Variants in ROBO2 observed in about 807,000 individuals in gnomAD.
ROBO2 encodes the protein roundabout guidance receptor 2.
In ROBO2, 53 loss-of-function variants were observed where a neutral mutation model predicts 160.8. The observed-to-expected ratio is 0.33, with a 90% CI of 0.26 to 0.41. ROBO2 has a LOEUF of 0.41. Ranked by LOEUF, ROBO2 falls within the 10% of genes least tolerant of loss-of-function variation. The probability of loss-of-function intolerance (pLI) is 1.00; values close to 1 mark genes in which losing one functional copy is unlikely to be tolerated. For synonymous variants in ROBO2, 664 were observed against 611.7 expected (o/e 1.09, Z -1.26); for missense variants, 1,577 against 1,722.4 (o/e 0.92, Z 1.49).
intron 2 of ROBO2, among the ~76,000 whole-genome samples, chr3:76,221,011 G>T (rs760442028): frequency 2.6e-5 from 4 of 151,442 alleles, no homozygotes; most frequent in Admixed American, 2.0e-4. Flanking sequence ...CTTAATCATA[G>T]AACATGGTAA....
At position 77,391,340 on chromosome 3, in the gene ROBO2, T is replaced by A. The variant is rs976092069; in HGVS notation, c.389-86074T>A. 3.9e-5 allele frequency among the ~76,000 whole-genome samples: 6 copies of A among 152,076 alleles called. No homozygotes were observed. In the South Asian group the frequency reaches 6.2e-4, roughly 16 times the overall value. On this transcript the variant is annotated intron_variant, in intron 2 of 25. Coordinates refer to ENST00000461745, the Ensembl canonical transcript of ROBO2. ...AAATTTTTTTGAGACAGGGTCTCAC[T>A]CTGTAGCCCAGGCTGGAGTACAGTG...
intron 2 of ROBO2, among the ~76,000 whole-genome samples, chr3:76,947,215 AT>A (rs1326998012): frequency 6.6e-6 from 1 of 152,094 alleles, no homozygotes; most frequent in African/African-American, 2.4e-5. Context: ...TCTATAAAAA[AT>A]AAATATTATA....
chr3:76,385,465 T>C (rs891770848), intron 2 of ROBO2, among the ~76,000 whole-genome samples: 2 of 152,200 alleles, frequency 1.3e-5, no homozygotes, highest in African/African-American at 2.4e-5. Flanking sequence ...GCACAGTCTG[T>C]CACCTTATCT....
At chr3:77,138,834 A>T (rs1470657314) in intron 2 of ROBO2, among the ~76,000 whole-genome samples, 1 of 152,128 alleles carries the variant, frequency 6.6e-6, no homozygotes. Context: ...GATTAGGCCA[A>T]TTGCAGGCTT....
At chr3:76,163,088 A>C (rs999423406) in intron 2 of ROBO2, among the ~76,000 whole-genome samples, 1 of 152,150 alleles carries the variant, frequency 6.6e-6, no homozygotes, top group Admixed American at 6.6e-5. Context: ...GTCTTTCTTC[A>C]TGAAGGATCA....
chr3:76,260,129 G>T (rs1706652271), intron 2 of ROBO2, among the ~76,000 whole-genome samples: 1 of 152,150 alleles, frequency 6.6e-6, no homozygotes, highest in Admixed American at 6.6e-5. Context: ...TCACCCTGCA[G>T]AAAAGTGCAA....
Position 76,597,596 on chromosome 3 carries a change from A to G in ROBO2, c.110-500418A>G, listed in dbSNP as rs149923914. 4.4e-3 allele frequency among the ~76,000 whole-genome samples: 674 copies of G among 152,266 alleles called. 7 individuals carry two copies. Among genetic ancestry groups the G allele is most frequent in the African/African-American group, 0.016 (651 of 41,572 alleles). ...CATAATAGCTAAAATAAAAAAACAG[A>G]TAACACTAAATGTTCTTGTGGATGC... is the stretch of plus-strand genomic sequence containing the variant. On this transcript the variant is annotated intron_variant, in intron 2 of 26. Transcript: ENST00000487694.
Position 76,218,761 on chromosome 3 carries a change from G to T in ROBO2, c.109+281159G>T, listed in dbSNP as rs572658884. On this transcript the variant is annotated intron_variant, in intron 2 of 26. Coordinates refer to the ROBO2 transcript ENST00000487694. ...GCCCAAGGTAATTTATAGATTCAAT[G>T]CCATCCCCATCAAGCTACCAATGAC... Among the ~76,000 whole-genome samples, 194 of 151,890 alleles carry T rather than the reference G, an allele frequency of 1.3e-3. 1 individual carries two copies. The highest frequency in any genetic ancestry group is 6.8e-3 in the Middle Eastern group (2 of 294).
At position 76,335,151 on chromosome 3, in the gene ROBO2, G is replaced by C. The variant is rs576532887; in HGVS notation, c.109+397549G>C. Among the ~76,000 whole-genome samples, 4 of 148,304 alleles carry C rather than the reference G, an allele frequency of 2.7e-5. No homozygotes were observed. In the East Asian group the frequency reaches 6.0e-4, roughly 22 times the overall value. On this transcript the variant is annotated intron_variant, in intron 2 of 26. Coordinates refer to the ROBO2 transcript ENST00000487694. ...AAAAGTTCTGGGATTGCAGGCATGA[G>C]CCACCACATCCAAACTTTTCTGTTT...
chr3:76,222,061 G>A (rs1288583561), intron 2 of ROBO2, among the ~76,000 whole-genome samples: 1 of 152,066 alleles, frequency 6.6e-6, no homozygotes, highest in Non-Finnish European at 1.5e-5. Flanking sequence ...ATCTGCCAGT[G>A]GTGGCCATAG....
chr3:76,969,944 G>A (rs551584502), intron 2 of ROBO2, among the ~76,000 whole-genome samples: 1 of 152,128 alleles, frequency 6.6e-6, no homozygotes, highest in African/African-American at 2.4e-5. Context: ...GCAATAAGTG[G>A]CATAAGAGTA....
At chr3:77,260,409 T>C (rs986748362) in intron 2 of ROBO2, among the ~76,000 whole-genome samples, 1 of 152,006 alleles carries the variant, frequency 6.6e-6, no homozygotes, top group African/African-American at 2.4e-5. Context: ...CTTAAAAAAA[T>C]AGTTTATTTT....
intron 1 of ROBO2, among the ~76,000 whole-genome samples, chr3:77,041,155 T>C (rs776959857): frequency 5.9e-5 from 9 of 152,240 alleles, no homozygotes; most frequent in South Asian, 4.1e-4. Flanking sequence ...ACAGTCAATC[T>C]CCTGCAAGAG....
At chr3:76,335,242 C>T (rs534451400) in intron 2 of ROBO2, among the ~76,000 whole-genome samples, 48 of 125,328 alleles carry the variant, frequency 3.8e-4, no homozygotes, top group African/African-American at 1.3e-3. Flanking sequence ...AGTGCAGTGG[C>T]GCGATCTCTG....
At chr3:77,029,980 C>G (rs1444999188) in intron 2 of ROBO2, among the ~76,000 whole-genome samples, 1 of 150,892 alleles carries the variant, frequency 6.6e-6, no homozygotes, top group Non-Finnish European at 1.5e-5. Flanking sequence ...GAGTCTCGCT[C>G]TGTCGCCCAG....
At chr3:76,343,284 T>C (rs922693709) in intron 2 of ROBO2, among the ~76,000 whole-genome samples, 1 of 152,096 alleles carries the variant, frequency 6.6e-6, no homozygotes, top group Non-Finnish European at 1.5e-5. Flanking sequence ...GTTGTAAGCA[T>C]AATTCTTCCA....
intron 2 of ROBO2, among the ~76,000 whole-genome samples, chr3:76,892,904 T>C (rs149079337): frequency 3.9e-4 from 59 of 152,306 alleles, no homozygotes; most frequent in African/African-American, 1.3e-3. Flanking sequence ...TGTTAATTCA[T>C]TGAGGAAATA....
At chr3:76,617,692 A>G (rs999163384) in intron 2 of ROBO2, among the ~76,000 whole-genome samples, 2 of 152,148 alleles carry the variant, frequency 1.3e-5, no homozygotes, top group African/African-American at 4.8e-5. Context: ...TTAAAGACCT[A>G]TAGACCACCT....
chr3:76,829,668 TC>T (rs1158211468), intron 2 of ROBO2, among the ~76,000 whole-genome samples: 2 of 147,880 alleles, frequency 1.4e-5, no homozygotes, highest in South Asian at 2.2e-4. Context: ...TCTTTTTTTT[TC>T]TTTTTCTTTT....
Sources: gnomAD v4.1 joint callset for allele counts (sites outside exome capture counted in the v4.1 genomes callset) on GRCh38, gnomAD v4.1.1 for gene constraint, MANE v1.5 for transcripts, NCBI Gene and HGNC (gene_info 2026-07-23, HGNC 2026-07-21) for gene names.